The following AFDN variants were observed in gnomAD, a reference collection of about 807,000 sequenced individuals.
AFDN encodes the protein afadin, adherens junction formation factor.
A neutral mutation model predicts 216.6 loss-of-function variants in AFDN; 68 were observed. The ratio of observed to expected loss-of-function variants is 0.31; its 90% confidence interval spans 0.26 to 0.38. The LOEUF is 0.38. Ranked by LOEUF, AFDN falls within the 10% of genes least tolerant of loss-of-function variation. AFDN has a pLI of 1.00. For synonymous variants in AFDN, 868 were observed against 853.7 expected (o/e 1.02, Z -0.29); for missense variants, 2,136 against 2,342.0 (o/e 0.91, Z 1.82).
At chr6:167,861,363 T>C (rs766618378) in intron 1 of AFDN, among the ~76,000 whole-genome samples, 7 of 152,218 alleles carry the variant, frequency 4.6e-5, no homozygotes, top group Admixed American at 1.3e-4. Flanking sequence ...TCATAGGCTT[T>C]ATTTAGGCTT....
rs185742914 is a variant in AFDN at position 167,850,369 on chromosome 6, T to G, written c.106-14182T>G. ...TTGTGTTTGTTTCCTAATGCAGTAC[T>G]TTGAAGATATTTTAGGTTTAGGTAA... On this transcript the variant is annotated intron_variant, in intron 1 of 33. Transcript: ENST00000683244. 4.0e-3 allele frequency among the ~76,000 whole-genome samples: 604 copies of G among 152,332 alleles called. 5 individuals are homozygous for G. The highest frequency in any genetic ancestry group is 0.024 in the Middle Eastern group (7 of 294).
At chr6:167,854,813 T>G (rs1782712282) in intron 1 of AFDN, among the ~76,000 whole-genome samples, 2 of 151,146 alleles carry the variant, frequency 1.3e-5, no homozygotes, top group African/African-American at 4.9e-5. Context: ...TATTTATAAT[T>G]CTTCTTTTCC....
chr6:167,847,766 C>T (rs1781861239), intron 1 of AFDN, among the ~76,000 whole-genome samples: 1 of 152,196 alleles, frequency 6.6e-6, no homozygotes, highest in Non-Finnish European at 1.5e-5. Context: ...ATTTATTTCC[C>T]TTGTCTGCCT....
chr6:167,934,510 G>A (rs1254926248), intron 23 of AFDN, among the ~76,000 whole-genome samples: 3 of 152,306 alleles, frequency 2.0e-5, no homozygotes, highest in East Asian at 3.9e-4. Flanking sequence ...GAAAAACCCA[G>A]AGGAGAGCAG....
intron 11 of AFDN, among the ~76,000 whole-genome samples, 172 bp downstream of exon 11, chr6:167,898,639 G>T (rs1373396025): frequency 6.6e-6 from 1 of 152,174 alleles, no homozygotes; most frequent in African/African-American, 2.4e-5. Context: ...GAGGAAAGAA[G>T]AAAGGTCTTG....
intron 1 of AFDN, among the ~76,000 whole-genome samples, chr6:167,848,170 G>C (rs1781907843): frequency 6.6e-6 from 1 of 152,142 alleles, no homozygotes; most frequent in African/African-American, 2.4e-5. Flanking sequence ...CTTGGCTTGA[G>C]TTTATTCGTA....
chr6:167,889,167 A>G (rs1484316405), intron 6 of AFDN, 48 bp from the exon 7 acceptor site: 15 of 1,259,556 alleles, frequency 1.2e-5, no homozygotes, highest in Non-Finnish European at 1.7e-5. Context: ...GTACTTGTTA[A>G]CTTAGTTACT....
chr6:167,870,526 T>G, intron 3 of AFDN, 28 bp downstream of exon 3: 1 of 1,474,904 alleles, frequency 6.8e-7, no homozygotes, highest in Non-Finnish European at 9.4e-7. Context: ...TTTATGACGG[T>G]CTTGGTCCAG....
chr6:167,918,184 C>A (rs191488461), intron 20 of AFDN, among the ~76,000 whole-genome samples: 1 of 152,238 alleles, frequency 6.6e-6, no homozygotes, highest in East Asian at 1.9e-4. Flanking sequence ...TATGAACTTT[C>A]CTATATGTGG....
intron 13 of AFDN, among the ~76,000 whole-genome samples, chr6:167,909,777 A>G (rs1442861384): frequency 6.6e-6 from 1 of 152,090 alleles, no homozygotes; most frequent in Non-Finnish European, 1.5e-5. Context: ...TATCCCCACA[A>G]TTTCATTTTT....
In AFDN at chr6:167,911,450, C is replaced by T. The variant is rs760584936; in HGVS notation, c.1998C>T (p.Val666=). ...AGCGCACACATAAAGTCATTGCAGT[C>T]GTCAACAAGATGGTGAGCATGATGG... ...PTERTHKVIA[V]VNKMVSMMEG... is the part of the protein sequence containing the mutation. Residue 666 remains valine (V), a synonymous_variant, in exon 15 of 34, where the codon GTC becomes GTT. Coordinates refer to ENST00000683244, the MANE Select transcript of AFDN (RefSeq NM_001386888.1). 14 of 1,613,974 alleles carry T rather than the reference C, an allele frequency of 8.7e-6. No homozygotes were observed. Among genetic ancestry groups the T allele is most frequent in the Middle Eastern group, 1.6e-4 (1 of 6,084 alleles).
chr6:167,849,216 CTGT>C (rs1782026758), intron 1 of AFDN, among the ~76,000 whole-genome samples: 1 of 152,108 alleles, frequency 6.6e-6, no homozygotes. Context: ...GGCATTTATA[CTGT>C]TGTTATTTGT....
intron 13 of AFDN, among the ~76,000 whole-genome samples, chr6:167,908,813 A>G (rs1344888075): frequency 6.6e-6 from 1 of 152,174 alleles, no homozygotes; most frequent in Non-Finnish European, 1.5e-5. Context: ...TACTACAATG[A>G]TGAGAACAGA....
intron 30 of AFDN, among the ~76,000 whole-genome samples, chr6:167,954,304 A>G (rs1310554640): frequency 1.3e-5 from 2 of 152,228 alleles, no homozygotes; most frequent in East Asian, 3.8e-4. Flanking sequence ...ACTAGAAGTT[A>G]GTCTGTAGTT....
chr6:167,871,669 A>T (rs1449589702), intron 3 of AFDN, among the ~76,000 whole-genome samples: 1 of 152,250 alleles, frequency 6.6e-6, no homozygotes, highest in Non-Finnish European at 1.5e-5. Context: ...AATAAATCAG[A>T]TCTGGAAACG....
chr6:167,838,740 G>A (rs919805345), intron 1 of AFDN, among the ~76,000 whole-genome samples: 1 of 152,120 alleles, frequency 6.6e-6, no homozygotes, highest in African/African-American at 2.4e-5. Context: ...TTTCCTTCTT[G>A]TAAGAAACAG....
chr6:167,953,291 A>G (rs546662402), intron 30 of AFDN, among the ~76,000 whole-genome samples: 2 of 152,296 alleles, frequency 1.3e-5, no homozygotes, highest in South Asian at 2.1e-4. Flanking sequence ...CTACCTCACA[A>G]TGAAATTTAA....
At chr6:167,947,239 G>A (rs543623192) in intron 27 of AFDN, among the ~76,000 whole-genome samples, 5 of 151,744 alleles carry the variant, frequency 3.3e-5, no homozygotes, top group African/African-American at 7.3e-5. Flanking sequence ...CAGTGCAGTG[G>A]CGCGATCTCG....
rs1797906872 is a variant in AFDN, at chr6:167,969,872, A to T, written c.5433A>T (p.Val1811=). ...RQRLFSQGQD[V]SNKVKASRKL... is the part of the protein sequence containing the mutation. ...GTCTTTTTTCACAAGGTCAAGATGT[A>T]TCCAATAAAGTGAAAGCTTCTCGTA... The change falls in exon 34 of 34, where the codon GTA becomes GTT. Residue 1811 remains valine, a synonymous_variant. Transcript: ENST00000683244. 4 of 1,612,666 alleles carry T rather than the reference A, an allele frequency of 2.5e-6. No individual in the cohort carries two copies. In the African/African-American group the frequency reaches 5.3e-5, roughly 22 times the overall value.
Sources: allele counts gnomAD v4.1 joint callset (sites outside exome capture counted in the v4.1 genomes callset), GRCh38; gene constraint gnomAD v4.1.1; transcripts MANE v1.5; gene names NCBI Gene and HGNC (gene_info 2026-07-23, HGNC 2026-07-21).